The following PFKP variants were observed in gnomAD, a reference collection of about 807,000 sequenced individuals.
PFKP encodes the protein ATP-dependent 6-phosphofructokinase, platelet type.
In PFKP, 101 loss-of-function variants were observed where a neutral mutation model predicts 94.3. The observed-to-expected ratio is 1.07, with a 90% CI of 0.91 to 1.26. PFKP has a LOEUF of 1.26. Among genes scored for constraint, PFKP ranks in the 50% most tolerant of loss-of-function variants. The pLI, the probability that PFKP is intolerant of heterozygous loss-of-function variation, is 0.00. For missense variants in PFKP, 1,145 were observed against 1,103.3 expected (o/e 1.04, Z -0.53); for synonymous variants, 573 against 432.6 (o/e 1.32, Z -4.03).
Position 3,135,823 on chromosome 10 carries a change from A to T in PFKP, c.2210A>T (p.Lys737Met). Residue 737 changes from lysine (K) to methionine (M), a missense_variant, in exon 21 of 22, where the codon AAG (lysine) becomes ATG (methionine). Lys to Met is a moderately conservative substitution (Grantham distance 95). Transcript: ENST00000381125. ...TTTCAACCTGTGGCAGAGCTGAAGA[A>T]GCAAACGGATTTTGAGTAAGTTGGC... is the stretch of plus-strand genomic sequence containing the variant. ...VIFQPVAELK[K>M]QTDFEHRIPK... 1 of 1,611,668 alleles carries T rather than the reference A, an allele frequency of 6.2e-7. No individual in the cohort carries two copies. Among genetic ancestry groups the T allele is most frequent in the Non-Finnish European group, 8.5e-7 (1 of 1,177,772 alleles).
At chr10:3,129,464 C>T (rs2279210) in intron 16 of PFKP, 5,072 of 227,884 alleles carry the variant, frequency 0.022, 227 homozygotes, top group East Asian at 0.15. Context: ...CCGGTGAAAG[C>T]GGCTTCAGCA....
intron 19 of PFKP, 75 bp downstream of exon 19, chr10:3,133,389 C>G (rs1275711512): frequency 2.1e-6 from 2 of 943,940 alleles, no homozygotes; most frequent in Non-Finnish European, 3.5e-6. Flanking sequence ...CTTATTTTAG[C>G]CATTGTGGGG....
rs774790600 is a variant in PFKP at position 3,129,943 on chromosome 10, C to T, written c.1808C>T (p.Ala603Val). The change falls in exon 17 of 22, where the codon GCA (alanine) becomes GTA (valine). Residue 603 changes from alanine (A) to valine (V), a missense_variant. By Grantham distance (64) the Ala-to-Val change is moderately conservative. Transcript: ENST00000381125. ...GGGCTCGCGGCCGGAGCTGATGCCGCATACATTTTCGAAGAGCCCTTCGAC... is the reference window on the plus strand; with the variant it reads ...GGGCTCGCGGCCGGAGCTGATGCCGTATACATTTTCGAAGAGCCCTTCGAC... ...MGGLAAGADA[A>V]YIFEEPFDIR... 1 of 1,603,508 alleles carries T rather than the reference C, an allele frequency of 6.2e-7. No homozygotes were observed. Among genetic ancestry groups the T allele is most frequent in the Admixed American group, 1.7e-5 (1 of 59,192 alleles).
At chr10:3,102,010 G>A (rs1420601268) in intron 4 of PFKP, among the ~76,000 whole-genome samples, 2 of 150,650 alleles carry the variant, frequency 1.3e-5, no homozygotes, top group African/African-American at 2.4e-5. Flanking sequence ...CCAGCACTTT[G>A]GGAGGCCGAG....
intron 16 of PFKP, among the ~76,000 whole-genome samples, chr10:3,122,941 G>A (rs1837574154): frequency 6.6e-6 from 1 of 152,188 alleles, no homozygotes; most frequent in African/African-American, 2.4e-5. Context: ...CTCCATAATA[G>A]GAGTCTGGCT....
chr10:3,125,811 C>G (rs1194859218), intron 16 of PFKP, among the ~76,000 whole-genome samples: 1 of 152,216 alleles, frequency 6.6e-6, no homozygotes, highest in Non-Finnish European at 1.5e-5. Context: ...CCCTCCGGTC[C>G]CTGATACTCT....
intron 20 of PFKP, 68 bp from the exon 21 acceptor site, chr10:3,135,668 C>T (rs772383525): frequency 4.4e-5 from 42 of 954,250 alleles, no homozygotes; most frequent in African/African-American, 6.6e-5. Context: ...CATCTCGCCC[C>T]GTGATTCTGC....
At chr10:3,134,687 A>AC in intron 20 of PFKP, 105 bp downstream of exon 20, 1 of 736,250 alleles carries the variant, frequency 1.4e-6, no homozygotes, top group East Asian at 2.5e-5. Flanking sequence ...TTCCTTCTTC[A>AC]GTTCAGTACT....
In PFKP at chr10:3,135,766, G is replaced by A. The variant is rs1588592420; in HGVS notation, c.2153G>A (p.Cys718Tyr). 5 of 1,613,038 alleles carry A rather than the reference G, an allele frequency of 3.1e-6. No homozygotes were observed. The East Asian group carries it at 1.1e-4, about 36-fold the overall frequency. The change falls in exon 21 of 22, where the codon TGT becomes TAT. Residue 718 changes from cysteine (C) to tyrosine (Y), a missense_variant. Around this residue, in one of 3 missense-constraint regions of PFKP, gnomAD observed 1,119 missense variants for 1,062.8 expected, o/e 1.05. Transcript: ENST00000381125. ...AAATTTACCACCGATGATTCCATTT[G>A]TGTGCTGGGAATAAGCAAAAGAAAC... ...GKKFTTDDSI[C>Y]VLGISKRNVI... is the part of the protein sequence containing the mutation.
chr10:3,069,325 G>T, intron 1 of PFKP: 1 of 1,571,430 alleles, frequency 6.4e-7, no homozygotes, highest in Non-Finnish European at 8.6e-7. Context: ...TGGGATTGAA[G>T]AAACAGGAGA....
chr10:3,133,139 C>G, intron 18 of PFKP, 64 bp from the exon 19 acceptor site: 1 of 1,209,210 alleles, frequency 8.3e-7, no homozygotes, highest in East Asian at 2.3e-5. Context: ...GGGCCATCTC[C>G]CCAAGCAGGG....
At chr10:3,123,964 C>A (rs953338594) in intron 16 of PFKP, among the ~76,000 whole-genome samples, 1 of 150,378 alleles carries the variant, frequency 6.6e-6, no homozygotes, top group Non-Finnish European at 1.5e-5. Context: ...CCAGCACTGA[C>A]CCCGTTCACA....
At chr10:3,093,798 C>T (rs1009064770) in intron 2 of PFKP, among the ~76,000 whole-genome samples, 1 of 152,082 alleles carries the variant, frequency 6.6e-6, no homozygotes, top group South Asian at 2.1e-4. Flanking sequence ...CTCCCGCCAC[C>T]ACACCCGGCT....
intron 12 of PFKP, 21 bp from the exon 13 acceptor site, chr10:3,113,351 C>T (rs774202569): frequency 1.1e-5 from 18 of 1,574,794 alleles, no homozygotes; most frequent in South Asian, 2.3e-5. Context: ...ACCCAGCACT[C>T]ACCTGCCTTC....
rs757901324 is a variant in PFKP at position 3,105,104 on chromosome 10, T to C, written c.621-11T>C. ...GAGCTGTGTCCGGGGCTCCCTCTGT[T>C]TCTCTTCCAGCCACCAGAGGACCTT... On this transcript the variant is annotated splice_polypyrimidine_tract_variant and intron_variant, in intron 5 of 21. Coordinates refer to ENST00000381125, the MANE Select transcript of PFKP (RefSeq NM_002627.5). 4.3e-6 allele frequency: 7 copies of C among 1,613,858 alleles called. No individual in the cohort carries two copies. The highest frequency in any genetic ancestry group is 5.9e-6 in the Non-Finnish European group (7 of 1,179,796).
rs528567098 is a variant in PFKP, at chr10:3,084,682, G to T, written c.186+2221G>T. On this transcript the variant is annotated intron_variant, in intron 2 of 21. Transcript: ENST00000381125. ...GATGTGGAATGAGCACAGTAGACGC[G>T]GTCTCCAGCACAGTCCTCCAGCCCC... Among the ~76,000 whole-genome samples, 11 of 133,398 alleles carry T rather than the reference G, an allele frequency of 8.2e-5. No homozygotes were observed. The East Asian group carries it at 2.7e-3, about 33-fold the overall frequency. The allele number at this position is 133,398 out of a possible 152,430, so 87.5% of individuals were successfully genotyped here. A position where few individuals can be genotyped will look rare whatever the true frequency, so the allele number is the denominator to read the frequency against.
intron 2 of PFKP, among the ~76,000 whole-genome samples, chr10:3,089,039 C>T: frequency 6.6e-6 from 1 of 152,202 alleles, no homozygotes; most frequent in East Asian, 1.9e-4. Context: ...TCAAGCGATT[C>T]TCCTGCCTCA....
intron 11 of PFKP, among the ~76,000 whole-genome samples, chr10:3,112,868 C>T (rs1202641674): frequency 6.6e-6 from 1 of 152,264 alleles, no homozygotes; most frequent in Admixed American, 6.5e-5. Context: ...GCACGCATGT[C>T]TTGCAAGAGA....
intron 17 of PFKP, among the ~76,000 whole-genome samples, chr10:3,130,449 G>A (rs547396521): frequency 5.3e-5 from 8 of 152,248 alleles, no homozygotes; most frequent in South Asian, 2.1e-4. Flanking sequence ...CGCTGACCCC[G>A]CGGTCTGCCC....
Sources: allele counts gnomAD v4.1 joint callset (sites outside exome capture counted in the v4.1 genomes callset), GRCh38; gene constraint gnomAD v4.1.1; regional missense constraint gnomAD v4.1.1; transcripts MANE v1.5; gene names NCBI Gene and HGNC (gene_info 2026-07-23, HGNC 2026-07-21).